Variants in CHMP4B observed in about 807,000 individuals in gnomAD.
The protein encoded by CHMP4B is charged multivesicular body protein 4B.
CHMP4B carries 1 observed loss-of-function variant against 25.1 expected under a neutral mutation model. The ratio of observed to expected loss-of-function variants is 0.04; its 90% CI spans 0.01 to 0.19. CHMP4B has a LOEUF of 0.19. CHMP4B is among the 10% of genes least tolerant of loss of function. The pLI is 1.00. For synonymous variants in CHMP4B, 101 were observed against 115.6 expected (o/e 0.87, Z 0.81); for missense variants, 151 against 289.7 (o/e 0.52, Z 3.48).
chr20:33,835,201 C>A lies in CHMP4B; in HGVS notation c.191-13266C>A, dbSNP rs530470084. On this transcript the variant is annotated intron_variant, in intron 1 of 4. Coordinates refer to ENST00000217402, the MANE Select transcript of CHMP4B (RefSeq NM_176812.5). ...GCTAGCATCGTTTTCTATGAGAAAT[C>A]TTTGTCATCTTTATTTCAGTATATG... 3.9e-5 allele frequency among the ~76,000 whole-genome samples: 6 copies of A among 152,260 alleles called. No individual in the cohort carries two copies. In the South Asian group the frequency reaches 1.2e-3, roughly 32 times the overall value.
chr20:33,831,539 A>C (rs756387742), intron 1 of CHMP4B, among the ~76,000 whole-genome samples: 7 of 151,740 alleles, frequency 4.6e-5, no homozygotes, highest in Middle Eastern at 6.8e-3. Flanking sequence ...TGCCCAGCTA[A>C]GTTTTAAAAA....
At chr20:33,837,469 C>T (rs1979422347) in intron 1 of CHMP4B, among the ~76,000 whole-genome samples, 1 of 151,828 alleles carries the variant, frequency 6.6e-6, no homozygotes, top group African/African-American at 2.4e-5. Flanking sequence ...AAGGAATGGC[C>T]TCTGGGGCAA....
At chr20:33,829,748 T>C (rs1705802604) in intron 1 of CHMP4B, among the ~76,000 whole-genome samples, 1 of 152,192 alleles carries the variant, frequency 6.6e-6, no homozygotes, top group South Asian at 2.1e-4. Flanking sequence ...GTGATCCCTT[T>C]CCTTAAAGAG....
chr20:33,835,464 A>G (rs1979367027), intron 1 of CHMP4B, among the ~76,000 whole-genome samples: 1 of 152,204 alleles, frequency 6.6e-6, no homozygotes, highest in Admixed American at 6.5e-5. Context: ...ACATGTATAT[A>G]GGTTACCTGA....
chr20:33,828,089 C>T (rs1184353331), intron 1 of CHMP4B, among the ~76,000 whole-genome samples: 1 of 152,140 alleles, frequency 6.6e-6, no homozygotes, highest in Non-Finnish European at 1.5e-5. Flanking sequence ...CTAAATTAGG[C>T]CCTTTAAAAC....
intron 1 of CHMP4B, among the ~76,000 whole-genome samples, chr20:33,844,289 A>C (rs535617862): frequency 6.6e-6 from 1 of 152,284 alleles, no homozygotes; most frequent in East Asian, 1.9e-4. Flanking sequence ...ATATGGGTGG[A>C]TCCCCCATGA....
intron 1 of CHMP4B, among the ~76,000 whole-genome samples, chr20:33,841,613 G>A (rs1041620801): frequency 2.6e-4 from 40 of 152,216 alleles, no homozygotes; most frequent in African/African-American, 9.4e-4. Context: ...ACACAGGGTA[G>A]AGAAATGAGA....
chr20:33,812,271 G>C (rs1349196304), intron 1 of CHMP4B, among the ~76,000 whole-genome samples: 1 of 152,186 alleles, frequency 6.6e-6, no homozygotes, highest in African/African-American at 2.4e-5. Flanking sequence ...TTCCCCATCC[G>C]TCAGCCAGAG....
intron 2 of CHMP4B, among the ~76,000 whole-genome samples, chr20:33,849,324 T>G (rs1201505313): frequency 6.6e-6 from 1 of 152,110 alleles, no homozygotes; most frequent in Non-Finnish European, 1.5e-5. Flanking sequence ...TTGGGCTGGG[T>G]GAGGTGGCTC....
chr20:33,826,334 A>G (rs928767558), intron 1 of CHMP4B, among the ~76,000 whole-genome samples: 5 of 152,126 alleles, frequency 3.3e-5, no homozygotes, highest in African/African-American at 1.2e-4. Flanking sequence ...AGAGATTAGC[A>G]TATGCTGTGT....
chr20:33,835,297 G>T (rs1979362612), intron 1 of CHMP4B, among the ~76,000 whole-genome samples: 1 of 152,098 alleles, frequency 6.6e-6, no homozygotes, highest in African/African-American at 2.4e-5. Context: ...AATATGATGT[G>T]CTTTGGTATA....
intron 1 of CHMP4B, among the ~76,000 whole-genome samples, chr20:33,838,440 C>T (rs1189788860): frequency 6.6e-6 from 1 of 152,072 alleles, no homozygotes; most frequent in East Asian, 1.9e-4. Flanking sequence ...TCTAGTGGAT[C>T]GTTGCTAGGT....
At chr20:33,812,725 C>G (rs967529723) in intron 1 of CHMP4B, among the ~76,000 whole-genome samples, 1 of 152,106 alleles carries the variant, frequency 6.6e-6, no homozygotes, top group Non-Finnish European at 1.5e-5. Flanking sequence ...ACTAGCAGTG[C>G]GACCTTGAGC....
At chr20:33,834,868 C>T (rs1979348003) in intron 1 of CHMP4B, among the ~76,000 whole-genome samples, 1 of 152,092 alleles carries the variant, frequency 6.6e-6, no homozygotes, top group African/African-American at 2.4e-5. Context: ...GACGTGTTCT[C>T]AGCTGACTGC....
intron 1 of CHMP4B, among the ~76,000 whole-genome samples, chr20:33,818,628 G>T (rs1978846920): frequency 6.6e-6 from 1 of 152,208 alleles, no homozygotes; most frequent in South Asian, 2.1e-4. Flanking sequence ...CTGGTGAAAA[G>T]AATGTGGGAT....
intron 1 of CHMP4B, among the ~76,000 whole-genome samples, chr20:33,846,379 A>G (rs933810407): frequency 6.6e-6 from 1 of 152,260 alleles, no homozygotes; most frequent in Non-Finnish European, 1.5e-5. Flanking sequence ...GTGTGACTGC[A>G]TGATGGGTTT....
chr20:33,843,408 T>G (rs1979597885), intron 1 of CHMP4B, among the ~76,000 whole-genome samples: 1 of 152,216 alleles, frequency 6.6e-6, no homozygotes, highest in African/African-American at 2.4e-5. Flanking sequence ...TTTCAATTGT[T>G]AAAGCCATTG....
chr20:33,851,938 G>A (rs138156622), intron 3 of CHMP4B, 139 bp from the exon 4 acceptor site: 1 of 1,076,952 alleles, frequency 9.3e-7, no homozygotes, highest in Non-Finnish European at 1.4e-6. Context: ...GAATCACAGG[G>A]TCTGGAACCT....
intron 1 of CHMP4B, among the ~76,000 whole-genome samples, chr20:33,824,464 C>G (rs1014966260): frequency 6.6e-6 from 1 of 152,154 alleles, no homozygotes; most frequent in Non-Finnish European, 1.5e-5. Context: ...GTGACTGGAC[C>G]GTGTTATACA....
Sources: gnomAD v4.1 joint callset for allele counts (sites outside exome capture counted in the v4.1 genomes callset) on GRCh38, gnomAD v4.1.1 for gene constraint, MANE v1.5 for transcripts, NCBI Gene and HGNC (gene_info 2026-07-23, HGNC 2026-07-21) for gene names.